GLIS3: variants seen among roughly 807,000 people sequenced by gnomAD.
The protein encoded by GLIS3 is GLIS family zinc finger 3.
In GLIS3, 53 loss-of-function variants were observed where a neutral mutation model predicts 78.6. That is an observed-to-expected ratio of 0.67 (90% CI 0.54 to 0.85). GLIS3 has a LOEUF of 0.85. Among genes scored for constraint, GLIS3 ranks in the 40% least tolerant of loss-of-function variants. The pLI is 0.00. For missense variants in GLIS3, 1,703 were observed against 1,231.1 expected (o/e 1.38, Z -5.74); for synonymous variants, 684 against 509.9 (o/e 1.34, Z -4.60).
rs530100959 is a variant in GLIS3, at chr9:4,286,282, A to G, written c.144T>C (p.Ser48=). The G allele has an allele frequency of 1.2e-6, 2 of 1,614,158 alleles. No homozygotes were observed. Among genetic ancestry groups the G allele is most frequent in the African/African-American group, 2.7e-5 (2 of 75,036 alleles). The change falls in exon 2 of 11, where the codon AGT becomes AGC. Residue 48 remains serine (S), a synonymous_variant. Coordinates refer to ENST00000381971, the MANE Select transcript of GLIS3 (RefSeq NM_001042413.2). ...PGPSPCGSTS[S]PTMASLANNL... Reference sequence around the variant, plus strand: ...TGTTAGCAAGGCTTGCCATAGTGGGACTCGATGTGCTGCCACAGGGCGAGG... The same window carrying G: ...TGTTAGCAAGGCTTGCCATAGTGGGGCTCGATGTGCTGCCACAGGGCGAGG...
intron 2 of GLIS3, among the ~76,000 whole-genome samples, chr9:4,283,021 G>A (rs1827689444): frequency 6.6e-6 from 1 of 151,886 alleles, no homozygotes; most frequent in South Asian, 2.1e-4. Flanking sequence ...CAAGTTTTGA[G>A]TGCATTTTTC....
intron 6 of GLIS3, among the ~76,000 whole-genome samples, chr9:3,920,050 C>T (rs1216364649): frequency 7.4e-6 from 1 of 135,510 alleles, no homozygotes; most frequent in Non-Finnish European, 1.5e-5. Context: ...GTTGCCCAGG[C>T]TGGAGTGCAG....
At chr9:4,242,250 G>C (rs1410618728) in intron 2 of GLIS3, among the ~76,000 whole-genome samples, 1 of 152,018 alleles carries the variant, frequency 6.6e-6, no homozygotes, top group Non-Finnish European at 1.5e-5. Context: ...CGGTAACACA[G>C]GGCCGTCTTT....
At chr9:4,243,918 G>A (rs1823561184) in intron 2 of GLIS3, among the ~76,000 whole-genome samples, 3 of 152,204 alleles carry the variant, frequency 2.0e-5, no homozygotes, top group Admixed American at 2.0e-4. Context: ...GAATAGAGCA[G>A]GGTCTACATG....
chr9:4,336,755 C>G (rs1258261982), intron 2 of GLIS3, among the ~76,000 whole-genome samples: 2 of 152,198 alleles, frequency 1.3e-5, no homozygotes, highest in East Asian at 1.9e-4. Context: ...AAGTCCTATA[C>G]AATTTGTATA....
intron 3 of GLIS3, among the ~76,000 whole-genome samples, chr9:4,119,211 T>G (rs147665794): frequency 2.4e-4 from 36 of 152,368 alleles, no homozygotes; most frequent in African/African-American, 8.7e-4. Context: ...GGAAAAAGGA[T>G]AGAGACCTGG....
chr9:4,387,041 T>G, the GLIS3 span, among the ~76,000 whole-genome samples: 1 of 152,182 alleles, frequency 6.6e-6, no homozygotes, highest in Admixed American at 6.5e-5. Context: ...TTTTGTTGCA[T>G]GATCATCTGA....
intron 4 of GLIS3, among the ~76,000 whole-genome samples, chr9:3,993,510 T>C (rs1199420789): frequency 6.6e-6 from 1 of 152,218 alleles, no homozygotes; most frequent in Non-Finnish European, 1.5e-5. Context: ...TTCATGTATA[T>C]GTAAAAATCC....
At chr9:4,465,010 G>C in the GLIS3 span, among the ~76,000 whole-genome samples, 1 of 152,128 alleles carries the variant, frequency 6.6e-6, no homozygotes, top group African/African-American at 2.4e-5. Flanking sequence ...TGTGGCCAAG[G>C]GGTTAGCAAT....
the GLIS3 span, among the ~76,000 whole-genome samples, chr9:4,490,092 G>A: frequency 6.6e-6 from 1 of 152,232 alleles, no homozygotes; most frequent in Non-Finnish European, 1.5e-5. Context: ...TGCCGGCGCT[G>A]GAAATAGCTG....
At position 4,053,224 on chromosome 9, in the gene GLIS3, C is replaced by T. The variant is rs1825865181; in HGVS notation, c.1710+64544G>A. 2.0e-5 allele frequency among the ~76,000 whole-genome samples: 3 copies of T among 152,318 alleles called. No individual in the cohort carries two copies. The Middle Eastern group carries it at 0.01, about 518-fold the overall frequency. ...TTGGCCTCCCAAAGGGCTATGATTA[C>T]AGGCGTGAGCCACAGCGCCCAGCCT... On this transcript the variant is annotated intron_variant, in intron 4 of 10. Transcript: ENST00000381971.
chr9:4,361,892 G>C, the GLIS3 span, among the ~76,000 whole-genome samples: 1 of 152,198 alleles, frequency 6.6e-6, no homozygotes, highest in African/African-American at 2.4e-5. Context: ...ATTGAAGTTT[G>C]TATGTTGTTT....
upstream of GLIS3, among the ~76,000 whole-genome samples, chr9:4,350,354 T>C (rs1312099084): frequency 2.6e-5 from 4 of 152,226 alleles, no homozygotes; most frequent in Non-Finnish European, 5.9e-5. Context: ...GTTATTGCAC[T>C]GGGCCACATT....
intron 2 of GLIS3, among the ~76,000 whole-genome samples, chr9:4,155,133 G>A (rs961624099): frequency 3.3e-5 from 5 of 151,448 alleles, no homozygotes; most frequent in Non-Finnish European, 5.9e-5. Context: ...TTCTTTTTTC[G>A]GTATTTAAAA....
At chr9:4,194,388 G>T (rs1010033131) in intron 2 of GLIS3, among the ~76,000 whole-genome samples, 1 of 152,022 alleles carries the variant, frequency 6.6e-6, no homozygotes, top group African/African-American at 2.4e-5. Context: ...AAAGGCAGAG[G>T]TAAAAAATAA....
intron 2 of GLIS3, among the ~76,000 whole-genome samples, chr9:4,161,079 T>A (rs1406401764): frequency 5.2e-5 from 7 of 135,822 alleles, no homozygotes; most frequent in Non-Finnish European, 4.6e-5. Context: ...CCCCATCTCT[T>A]AAAAAAAAAA....
At chr9:4,399,654 A>AT in the GLIS3 span, among the ~76,000 whole-genome samples, 1 of 152,036 alleles carries the variant, frequency 6.6e-6, no homozygotes, top group Non-Finnish European at 1.5e-5. Flanking sequence ...TCAAAGAGTT[A>AT]TTTTTTTTCC....
intron 2 of GLIS3, among the ~76,000 whole-genome samples, chr9:4,179,896 C>G (rs1323944291): frequency 7.2e-6 from 1 of 138,286 alleles, no homozygotes; most frequent in Non-Finnish European, 1.6e-5. Context: ...GGTGAGAGAG[C>G]GAGACTCTGT....
At chr9:3,857,706 G>A (rs190327542) in intron 8 of GLIS3, among the ~76,000 whole-genome samples, 23 of 152,284 alleles carry the variant, frequency 1.5e-4, no homozygotes, top group East Asian at 5.8e-4. Context: ...TGACTGCACC[G>A]TGCTGAGTAA....
Sources: gnomAD v4.1 joint callset for allele counts (sites outside exome capture counted in the v4.1 genomes callset) on GRCh38, gnomAD v4.1.1 for gene constraint, MANE v1.5 for transcripts, NCBI Gene and HGNC (gene_info 2026-07-23, HGNC 2026-07-21) for gene names.